RHOBTB1: variants seen among roughly 807,000 people sequenced by gnomAD.
The protein encoded by RHOBTB1 is rho-related BTB domain-containing protein 1.
A neutral mutation model predicts 71.6 loss-of-function variants in RHOBTB1; 40 were observed. The ratio of observed to expected loss-of-function variants is 0.56; its 90% CI spans 0.43 to 0.73. The LOEUF (loss-of-function observed/expected upper bound fraction) is 0.73, where lower values mean the gene tolerates loss of function less well. Among genes scored for constraint, RHOBTB1 ranks in the 30% least tolerant of loss-of-function variants. RHOBTB1 has a pLI of 0.00. For missense variants in RHOBTB1, 797 were observed against 894.0 expected (o/e 0.89, Z 1.38); for synonymous variants, 319 against 334.9 (o/e 0.95, Z 0.52).
chr10:60,882,560 T>C (rs1396473967), intron 7 of RHOBTB1, among the ~76,000 whole-genome samples: 1 of 152,162 alleles, frequency 6.6e-6, no homozygotes, highest in Non-Finnish European at 1.5e-5. Flanking sequence ...TTCACTCTTT[T>C]CTGGATATGC....
At chr10:60,955,912 T>C (rs1282513430) in intron 2 of RHOBTB1, among the ~76,000 whole-genome samples, 3 of 152,242 alleles carry the variant, frequency 2.0e-5, no homozygotes, top group African/African-American at 7.2e-5. Flanking sequence ...TTATTAATTT[T>C]CTCACTCAAC....
At chr10:60,996,407 T>C (rs774881796) in intron 1 of RHOBTB1, among the ~76,000 whole-genome samples, 1 of 152,172 alleles carries the variant, frequency 6.6e-6, no homozygotes, top group Non-Finnish European at 1.5e-5. Flanking sequence ...TAAATTCTAC[T>C]GCTCTTTAAG....
intron 8 of RHOBTB1, among the ~76,000 whole-genome samples, 170 bp from the exon 9 acceptor site, chr10:60,875,212 A>G (rs919419671): frequency 1.3e-5 from 2 of 152,144 alleles, no homozygotes; most frequent in Non-Finnish European, 2.9e-5. Flanking sequence ...GTCTTTCACT[A>G]CTTGGGGTTC....
intron 1 of RHOBTB1, among the ~76,000 whole-genome samples, chr10:60,994,166 T>C (rs889813987): frequency 6.6e-6 from 1 of 152,166 alleles, no homozygotes; most frequent in Admixed American, 6.5e-5. Context: ...GTTGAGTATC[T>C]GTGAAATGCC....
intron 1 of RHOBTB1, chr10:60,986,070 A>C (rs1055887090): frequency 1.3e-5 from 2 of 152,164 alleles, no homozygotes; most frequent in Non-Finnish European, 2.9e-5. Context: ...AGCCAACTAC[A>C]TGCCATTTAC....
chr10:60,882,022 T>C (rs1340054795), intron 7 of RHOBTB1, among the ~76,000 whole-genome samples: 2 of 152,198 alleles, frequency 1.3e-5, no homozygotes, highest in Non-Finnish European at 2.9e-5. Flanking sequence ...ACATGCATTT[T>C]TTCCCCTCAT....
intron 1 of RHOBTB1, among the ~76,000 whole-genome samples, chr10:60,997,193 T>A (rs2087086425): frequency 6.6e-6 from 1 of 151,958 alleles, no homozygotes; most frequent in Non-Finnish European, 1.5e-5. Context: ...CACACTGAGT[T>A]CCTCCCGAAA....
intron 1 of RHOBTB1, among the ~76,000 whole-genome samples, chr10:60,943,699 AT>A (rs2085053637): frequency 6.6e-6 from 1 of 151,956 alleles, no homozygotes; most frequent in African/African-American, 2.4e-5. Context: ...CCTGTTGTAC[AT>A]TTTCTCAGCT....
intron 2 of RHOBTB1, among the ~76,000 whole-genome samples, chr10:60,936,968 A>G (rs921813103): frequency 2.6e-5 from 4 of 152,242 alleles, no homozygotes; most frequent in African/African-American, 4.8e-5. Flanking sequence ...AAGGACATCC[A>G]TCTTGCAATA....
intron 2 of RHOBTB1, among the ~76,000 whole-genome samples, chr10:60,936,212 C>T (rs1039162741): frequency 2.6e-5 from 4 of 152,112 alleles, no homozygotes; most frequent in Admixed American, 6.5e-5. Flanking sequence ...AAGGAAAATA[C>T]CTGCCAGCAT....
chr10:60,901,563 G>C (rs1056118198), intron 4 of RHOBTB1, among the ~76,000 whole-genome samples: 1 of 152,166 alleles, frequency 6.6e-6, no homozygotes, highest in Admixed American at 6.5e-5. Context: ...ATCCACTGAG[G>C]ATATGCAGAA....
chr10:60,966,206 T>G (rs2085951558), intron 2 of RHOBTB1, among the ~76,000 whole-genome samples: 1 of 152,038 alleles, frequency 6.6e-6, no homozygotes, highest in African/African-American at 2.4e-5. Flanking sequence ...TCTCTGATGT[T>G]AGGATTATGA....
chr10:60,948,601 A>T (rs528962804), upstream of RHOBTB1, among the ~76,000 whole-genome samples: 2 of 152,230 alleles, frequency 1.3e-5, no homozygotes, highest in African/African-American at 4.8e-5. Context: ...TTGGCTATTT[A>T]GGAGAAATTA....
Position 60,888,297 on chromosome 10 carries a change from G to T in RHOBTB1, c.1371C>A (p.Ala457=). 6.2e-7 allele frequency: 1 copy of T among 1,614,030 alleles called. No homozygotes were observed. Among genetic ancestry groups the T allele is most frequent in the Non-Finnish European group, 8.5e-7 (1 of 1,179,964 alleles). Residue 457 remains alanine, a synonymous_variant, in exon 6 of 11, where the codon GCC becomes GCA. Coordinates refer to ENST00000337910, the MANE Select transcript of RHOBTB1 (RefSeq NM_014836.5). The part of the protein sequence containing the change: ...MMVENIMNKE[A]FMNQEITKAF... ...CTTTCGTAATCTCCTGGTTCATGAAGGCTTCCTTGTTCATGATGTTTTCCA... is the reference window on the plus strand; with the variant it reads ...CTTTCGTAATCTCCTGGTTCATGAATGCTTCCTTGTTCATGATGTTTTCCA...
chr10:60,923,987 C>T (rs1350258074), intron 2 of RHOBTB1, among the ~76,000 whole-genome samples: 1 of 152,002 alleles, frequency 6.6e-6, no homozygotes, highest in Non-Finnish European at 1.5e-5. Flanking sequence ...TCCTGAAGAA[C>T]TGAGGAGCGG....
At chr10:60,971,634 G>A (rs2086162384) in intron 2 of RHOBTB1, among the ~76,000 whole-genome samples, 1 of 152,050 alleles carries the variant, frequency 6.6e-6, no homozygotes, top group Non-Finnish European at 1.5e-5. Flanking sequence ...CACAGGCATG[G>A]GCAAAGACTT....
chr10:60,965,397 G>T (rs1011498811), intron 2 of RHOBTB1, among the ~76,000 whole-genome samples: 1 of 151,476 alleles, frequency 6.6e-6, no homozygotes, highest in African/African-American at 2.4e-5. Context: ...GTTTATAGAT[G>T]AAAAAAATGC....
At chr10:60,956,618 T>C (rs2085602751) in intron 2 of RHOBTB1, among the ~76,000 whole-genome samples, 1 of 152,152 alleles carries the variant, frequency 6.6e-6, no homozygotes, top group South Asian at 2.1e-4. Flanking sequence ...ATAAGTTTTA[T>C]TATTTTTAAA....
rs1327673311 is a variant in RHOBTB1 at position 60,888,447 on chromosome 10, C to A, written c.1221G>T (p.Gln407His). 2.5e-6 allele frequency: 4 copies of A among 1,614,088 alleles called. No individual in the cohort carries two copies. The African/African-American group carries it at 4.0e-5, about 16-fold the overall frequency. The change falls in exon 6 of 11, where the codon CAG becomes CAT. Residue 407 changes from glutamine (Q) to histidine (H), a missense_variant. Physicochemically the swap from Gln to His is conservative, Grantham distance 24. Coordinates refer to ENST00000337910, the MANE Select transcript of RHOBTB1 (RefSeq NM_014836.5). ...MTVVRMDASV[Q>H]PGPFRTLLQF... is the part of the protein sequence containing the mutation. ...GGAGCAGGGTCCGAAAAGGGCCTGG[C>A]TGGACTGAAGCGTCCATCCTGACCA...
Sources: allele counts gnomAD v4.1 joint callset (sites outside exome capture counted in the v4.1 genomes callset), GRCh38; gene constraint gnomAD v4.1.1; transcripts MANE v1.5; gene names NCBI Gene and HGNC (gene_info 2026-07-23, HGNC 2026-07-21).